The following CEP192 variants were observed in gnomAD, a reference collection of about 807,000 sequenced individuals.
CEP192 encodes the protein centrosomal protein 192.
CEP192 carries 151 observed loss-of-function variants against 271.8 expected under a neutral mutation model. The ratio of observed to expected loss-of-function variants is 0.56; its 90% CI spans 0.49 to 0.64. CEP192 has a LOEUF of 0.64. CEP192 is among the 30% of genes least tolerant of loss of function. The pLI, the probability that CEP192 is intolerant of heterozygous loss-of-function variation, is 0.00. For synonymous variants in CEP192, 995 were observed against 1,076.5 expected (o/e 0.92, Z 1.48); for missense variants, 2,910 against 3,020.5 (o/e 0.96, Z 0.86).
At chr18:13,110,631 CATT>C (rs958675453) in intron 40 of CEP192, among the ~76,000 whole-genome samples, 2 of 152,092 alleles carry the variant, frequency 1.3e-5, no homozygotes, top group Non-Finnish European at 2.9e-5. Context: ...AATTGACTCA[CATT>C]ATTAACAAGG....
intron 9 of CEP192, among the ~76,000 whole-genome samples, chr18:13,028,681 G>A (rs574115314): frequency 1.3e-4 from 20 of 152,062 alleles, no homozygotes; most frequent in Non-Finnish European, 2.4e-4. Context: ...CACCACGCCC[G>A]GCTAATTTTT....
rs753019979 is a variant in CEP192 at position 13,059,815 on chromosome 18, C to T, written c.4488+503C>T. Among the ~76,000 whole-genome samples, 60 of 152,174 alleles carry T rather than the reference C, an allele frequency of 3.9e-4. 1 individual carries two copies. Among genetic ancestry groups the T allele is most frequent in the Non-Finnish European group, 6.9e-4 (47 of 68,000 alleles). On this transcript the variant is annotated intron_variant, in intron 21 of 44. Transcript: ENST00000506447. Reference sequence around the variant, plus strand: ...AACACTGGGGGCTTCTAAATGTACCCCAATACCTGAGTCCCACTTAGACTG... The same window carrying T: ...AACACTGGGGGCTTCTAAATGTACCTCAATACCTGAGTCCCACTTAGACTG...
intron 38 of CEP192, among the ~76,000 whole-genome samples, chr18:13,101,623 A>G (rs1458779697): frequency 6.6e-6 from 1 of 151,950 alleles, no homozygotes; most frequent in Admixed American, 6.6e-5. Flanking sequence ...CCTGCCCTCT[A>G]GCTCCTTGCC....
At chr18:13,007,505 A>G (rs1013631564) in intron 3 of CEP192, among the ~76,000 whole-genome samples, 2 of 152,076 alleles carry the variant, frequency 1.3e-5, no homozygotes, top group Non-Finnish European at 2.9e-5. Flanking sequence ...TGACTTGTTT[A>G]TTTATTTCCT....
In CEP192 at chr18:13,049,907, C is replaced by A; in HGVS notation, c.3017+16C>A. On this transcript the variant is annotated intron_variant, in intron 17 of 44. Transcript: ENST00000506447. The stretch of plus-strand genomic sequence containing the variant: ...GTTCATCAGGGTAAGTGTGTACCTT[C>A]TTTTTTAAAAAATAAAAATATGCGT... The A allele has an allele frequency of 6.3e-7, 1 of 1,593,520 alleles. No individual in the cohort carries two copies. Among genetic ancestry groups the A allele is most frequent in the African/African-American group, 1.4e-5 (1 of 72,708 alleles).
At position 13,056,292 on chromosome 18, in the gene CEP192, C is replaced by T; in HGVS notation, c.3702C>T (p.His1234=). 1 of 1,614,034 alleles carries T rather than the reference C, an allele frequency of 6.2e-7. No individual in the cohort carries two copies. Among genetic ancestry groups the T allele is most frequent in the South Asian group, 1.1e-5 (1 of 91,058 alleles). ...CTCCTATTCCCAGCAGCACAGTTCA[C>T]AGCTCTGTGGCTGACATGCAGAACA... ...QCTPIPSSTV[H]SSVADMQNMP... The change falls in exon 19 of 45, where the codon CAC becomes CAT. Residue 1234 remains histidine (H), a synonymous_variant. Transcript: ENST00000506447.
At chr18:13,095,300 C>A (rs754698830) in intron 34 of CEP192, among the ~76,000 whole-genome samples, 2 of 152,198 alleles carry the variant, frequency 1.3e-5, no homozygotes, top group African/African-American at 2.4e-5. Context: ...CCACACCCAG[C>A]CTGTACACAT....
chr18:13,108,998 C>G (rs2040082659), intron 40 of CEP192, among the ~76,000 whole-genome samples: 1 of 152,230 alleles, frequency 6.6e-6, no homozygotes. Flanking sequence ...TTGGAGATTT[C>G]TCAAAGAACT....
At chr18:13,026,361 T>C (rs1353085639) in intron 9 of CEP192, among the ~76,000 whole-genome samples, 3 of 152,224 alleles carry the variant, frequency 2.0e-5, no homozygotes, top group Non-Finnish European at 4.4e-5. Context: ...ATTTATTTTT[T>C]TCCAAGTACA....
rs1225684099 is a variant in CEP192 at position 13,106,217 on chromosome 18, T to C, written c.7047+1138T>C. On this transcript the variant is annotated intron_variant, in intron 40 of 44. Coordinates refer to ENST00000506447, the MANE Select transcript of CEP192 (RefSeq NM_032142.4). ...CACCTCAACCAAATATATACAACTA[T>C]GATCCCCCATTACTACTACCACTCA... Among the ~76,000 whole-genome samples the C allele has an allele frequency of 4.6e-5, 7 of 152,086 alleles. No individual in the cohort carries two copies. In the East Asian group the frequency reaches 1.3e-3, roughly 29 times the overall value.
At chr18:13,009,403 T>C (rs1431289475) in intron 4 of CEP192, among the ~76,000 whole-genome samples, 2 of 152,242 alleles carry the variant, frequency 1.3e-5, no homozygotes, top group African/African-American at 4.8e-5. Flanking sequence ...TAATTTATAT[T>C]CTTATCGAGA....
intron 3 of CEP192, among the ~76,000 whole-genome samples, chr18:13,007,558 C>T (rs78993020): frequency 0.044 from 6,637 of 152,210 alleles, 218 homozygotes; most frequent in East Asian, 0.14. Context: ...TCTGTCCTTG[C>T]TACCTCTTGA....
chr18:13,018,673 TTA>T (rs888509554), intron 8 of CEP192, 58 bp downstream of exon 8: 113 of 1,202,406 alleles, frequency 9.4e-5, no homozygotes, highest in South Asian at 3.3e-4. Context: ...TTTACTTTTT[TTA>T]AAAAAAAAAT....
chr18:13,096,140 C>G lies in CEP192; in HGVS notation c.6434-44C>G, dbSNP rs937057999. The G allele has an allele frequency of 6.3e-6, 10 of 1,597,732 alleles. No individual in the cohort carries two copies. The Middle Eastern group carries it at 5.1e-4, about 82-fold the overall frequency. On this transcript the variant is annotated intron_variant, in intron 35 of 44. Coordinates refer to ENST00000506447, the MANE Select transcript of CEP192 (RefSeq NM_032142.4). ...TAGTTGTTAATATTTGTCTTTTTCA[C>G]TGTTGTTAAATGTAAGTCACATTTT... is the stretch of plus-strand genomic sequence containing the variant.
intron 1 of CEP192, among the ~76,000 whole-genome samples, chr18:12,995,655 G>A (rs1392588925): frequency 6.6e-6 from 1 of 152,194 alleles, no homozygotes; most frequent in African/African-American, 2.4e-5. Flanking sequence ...GAGATAACAA[G>A]TGAGTTACAT....
chr18:13,113,679 A>T lies in CEP192; in HGVS notation c.7141A>T (p.Thr2381Ser), dbSNP rs767758796. Residue 2381 changes from threonine to serine, a missense_variant, in exon 41 of 45, where the codon ACG becomes TCG. Transcript: ENST00000506447. ...TCTTAAGGAGCCTCACATGAAACAC[A>T]CGTTGAGATTCCAACTCTCTGGACA... is the stretch of plus-strand genomic sequence containing the variant. The part of the protein sequence containing the change: ...HPLKEPHMKH[T>S]LRFQLSGQSI... The T allele has an allele frequency of 1.9e-6, 3 of 1,613,178 alleles. No homozygotes were observed. Among genetic ancestry groups the T allele is most frequent in the Non-Finnish European group, 8.5e-7 (1 of 1,179,494 alleles).
chr18:13,113,981 A>G, intron 41 of CEP192, 149 bp from the exon 42 acceptor site: 1 of 875,768 alleles, frequency 1.1e-6, no homozygotes, highest in South Asian at 1.8e-5. Flanking sequence ...GGCAGGACAG[A>G]GTACAGAGCT....
chr18:13,073,111 C>T lies in CEP192; in HGVS notation c.5542C>T (p.Arg1848Ter), dbSNP rs765076361. 6 of 1,613,708 alleles carry T rather than the reference C, an allele frequency of 3.7e-6. No individual in the cohort carries two copies. The highest frequency in any genetic ancestry group is 2.7e-5 in the African/African-American group (2 of 74,936). The change falls in exon 30 of 45, where the codon CGA becomes TGA. Residue 1848 changes from arginine (R) to a stop codon, truncating the protein, a stop_gained. Coordinates refer to ENST00000506447, the MANE Select transcript of CEP192 (RefSeq NM_032142.4). LOFTEE classifies it high-confidence loss of function. ...CATCTCTGTATTATTTGCACCTACT[C>T]GATTATCTTGCATGTTGGCTAGACT... is the stretch of plus-strand genomic sequence containing the variant. ...IFISVLFAPTRLSCMLARLEI... is the reference protein window; with the variant it reads ...IFISVLFAPT
At position 13,056,374 on chromosome 18, in the gene CEP192, G is replaced by A; in HGVS notation, c.3784G>A (p.Ala1262Thr). The change falls in exon 19 of 45, where the codon GCT becomes ACT. Residue 1262 changes from alanine (A) to threonine (T), a missense_variant. Ala to Thr is a moderately conservative substitution (Grantham distance 58). Transcript: ENST00000506447. ...TQPSLSAAPFAQRYLGTLPST... is the reference protein window; with the variant it reads ...TQPSLSAAPFTQRYLGTLPST... The stretch of plus-strand genomic sequence containing the variant: ...ACCCTCTCTCAGCGCTGCTCCTTTT[G>A]CTCAGCGGTATTTGGGAACACTCCC... 1 of 1,614,208 alleles carries A rather than the reference G, an allele frequency of 6.2e-7. No homozygotes were observed. The highest frequency in any genetic ancestry group is 8.5e-7 in the Non-Finnish European group (1 of 1,180,036).
Sources: allele counts gnomAD v4.1 joint callset (sites outside exome capture counted in the v4.1 genomes callset), GRCh38; gene constraint gnomAD v4.1.1; transcripts MANE v1.5; gene names NCBI Gene and HGNC (gene_info 2026-07-23, HGNC 2026-07-21).